Variants in RELN observed in about 807,000 individuals in gnomAD.
RELN encodes reelin.
Under a neutral mutation model 427.6 loss-of-function variants are expected in RELN, and 108 were observed. The ratio of observed to expected loss-of-function variants is 0.25; its 90% CI spans 0.22 to 0.30. RELN has a LOEUF of 0.30. Among genes scored for constraint, RELN ranks in the 10% least tolerant of loss-of-function variants. The pLI, the probability that RELN is intolerant of heterozygous loss-of-function variation, is 1.00. For missense variants in RELN, 3,715 were observed against 4,302.8 expected, an observed-to-expected ratio of 0.86 and a Z score of 3.82; for synonymous variants, 1,524 against 1,513.4, an observed-to-expected ratio of 1.01 and a Z score of -0.16.
At chr7:103,904,975 C>CTT (rs67024941) in intron 2 of RELN, among the ~76,000 whole-genome samples, 186 of 77,342 alleles carry the variant, frequency 2.4e-3, no homozygotes, top group Non-Finnish European at 3.3e-3. Context: ...AAGTTCTTTC[C>CTT]TTTTTTTTTT....
chr7:103,754,659 C>T (rs1162715636), intron 4 of RELN, among the ~76,000 whole-genome samples: 1 of 152,102 alleles, frequency 6.6e-6, no homozygotes, highest in Non-Finnish European at 1.5e-5. Flanking sequence ...GCCTGTAGTC[C>T]TAGCTACTCA....
At chr7:103,544,936 T>A (rs1332212154) in intron 42 of RELN, among the ~76,000 whole-genome samples, 188 bp downstream of exon 42, 1 of 152,236 alleles carries the variant, frequency 6.6e-6, no homozygotes, top group Non-Finnish European at 1.5e-5. Flanking sequence ...TATCAGTATT[T>A]CACTCACTGA....
At chr7:103,507,445 C>A (rs548743615) in intron 51 of RELN, among the ~76,000 whole-genome samples, 3 of 152,126 alleles carry the variant, frequency 2.0e-5, no homozygotes, top group East Asian at 3.9e-4. Flanking sequence ...GGGTACATAA[C>A]GAAATGAAGG....
At chr7:103,948,128 T>C (rs2116755217) in intron 1 of RELN, among the ~76,000 whole-genome samples, 1 of 152,350 alleles carries the variant, frequency 6.6e-6, no homozygotes, top group Middle Eastern at 3.4e-3. Context: ...ACTGTTAGTG[T>C]CTATAACCAT....
At position 103,926,803 on chromosome 7, in the gene RELN, T is replaced by A. The variant is rs1481424031; in HGVS notation, c.227-9618A>T. On this transcript the variant is annotated intron_variant, in intron 1 of 64. Coordinates refer to ENST00000428762, the MANE Select transcript of RELN (RefSeq NM_005045.4). ...CGGATTACAGGCATGAGCCACCACA[T>A]CCAGCTAATTTTTTTTGTATTTTTA... 6.6e-5 allele frequency among the ~76,000 whole-genome samples: 10 copies of A among 151,934 alleles called. No individual in the cohort carries two copies. The East Asian group carries it at 1.2e-3, about 18-fold the overall frequency.
At chr7:103,753,842 T>A (rs678473) in intron 4 of RELN, among the ~76,000 whole-genome samples, 77,598 of 152,056 alleles carry the variant, frequency 0.51, 20,188 homozygotes, top group Non-Finnish European at 0.57. Flanking sequence ...CTTTTCAATG[T>A]ATGCAATATT....
intron 2 of RELN, among the ~76,000 whole-genome samples, chr7:103,888,023 G>A (rs1194209608): frequency 1.3e-5 from 2 of 152,146 alleles, no homozygotes; most frequent in Non-Finnish European, 2.9e-5. Flanking sequence ...TGAAGAAACA[G>A]TAACTAGACT....
intron 64 of RELN, chr7:103,476,773 TTA>T (rs1207555714): frequency 5.5e-6 from 2 of 361,762 alleles, no homozygotes; most frequent in Non-Finnish European, 1.1e-5. Context: ...AACATTTATC[TTA>T]TATTTACTCA....
rs1416961015 is a variant in RELN at position 103,773,424 on chromosome 7, TCC to T, written c.544+3131_544+3132del. 1.5e-4 allele frequency among the ~76,000 whole-genome samples: 12 copies of T among 77,470 alleles called. 1 individual carries two copies. In the East Asian group the frequency reaches 4.1e-3, roughly 27 times the overall value. The allele number at this position is 77,470 out of a possible 152,430, so 50.8% of individuals were successfully genotyped here. On this transcript the variant is annotated intron_variant, in intron 4 of 64. Transcript: ENST00000428762. ...CTGTCTCTCTCTCTCTCTCCCTCGC[TCC>T]CTCTCTCTCTCTCTCTCTCCCTCGC...
intron 2 of RELN, among the ~76,000 whole-genome samples, chr7:103,905,962 G>C (rs1795195856): frequency 6.6e-6 from 1 of 152,132 alleles, no homozygotes; most frequent in Non-Finnish European, 1.5e-5. Context: ...ATTTGCCCCA[G>C]AGACCGAGCC....
chr7:103,755,786 C>A (rs13311057), intron 4 of RELN, among the ~76,000 whole-genome samples: 8 of 122,842 alleles, frequency 6.5e-5, no homozygotes, highest in Admixed American at 2.8e-4. Context: ...GCACTCCAGT[C>A]TGGGGGACAG....
At chr7:103,710,759 T>C (rs908709869) in intron 8 of RELN, among the ~76,000 whole-genome samples, 6 of 152,204 alleles carry the variant, frequency 3.9e-5, no homozygotes, top group Admixed American at 1.3e-4. Context: ...TGAGAGTACA[T>C]GGCCAGCCGG....
At chr7:103,508,118 G>A (rs1003661622) in intron 51 of RELN, among the ~76,000 whole-genome samples, 1 of 152,080 alleles carries the variant, frequency 6.6e-6, no homozygotes, top group Non-Finnish European at 1.5e-5. Context: ...AACAGGAGCT[G>A]GTACCATTCC....
intron 2 of RELN, among the ~76,000 whole-genome samples, chr7:103,863,731 C>T (rs892656403): frequency 2.0e-5 from 3 of 152,116 alleles, no homozygotes; most frequent in East Asian, 3.9e-4. Flanking sequence ...CATTATTAGC[C>T]CCATTCTACA....
At position 103,651,649 on chromosome 7, in the gene RELN, G is replaced by A. The variant is rs1832916093; in HGVS notation, c.1892+12C>T. ...TTCAAGTATTTCAATATCTCAGAGAGAATGTACTCACCCACTGTAGTTTTC... is the reference window on the plus strand; with the variant it reads ...TTCAAGTATTTCAATATCTCAGAGAAAATGTACTCACCCACTGTAGTTTTC... On this transcript the variant is annotated intron_variant, in intron 15 of 64. Coordinates refer to ENST00000428762, the MANE Select transcript of RELN (RefSeq NM_005045.4). The A allele has an allele frequency of 5.6e-6, 9 of 1,609,550 alleles. No homozygotes were observed. Among genetic ancestry groups the A allele is most frequent in the Non-Finnish European group, 6.8e-6 (8 of 1,176,592 alleles).
At chr7:103,682,005 T>G (rs1422830105) in intron 11 of RELN, 111 bp downstream of exon 11, 9 of 1,028,864 alleles carry the variant, frequency 8.7e-6, no homozygotes, top group Non-Finnish European at 1.4e-5. Flanking sequence ...ATAAGAATCA[T>G]CAGTATTGAT....
At chr7:103,704,735 C>T (rs1834165057) in intron 8 of RELN, among the ~76,000 whole-genome samples, 1 of 152,060 alleles carries the variant, frequency 6.6e-6, no homozygotes, top group Non-Finnish European at 1.5e-5. Flanking sequence ...CCTTCCCTTC[C>T]TATTTTTGCT....
At chr7:103,634,163 C>A (rs1342152226) in intron 19 of RELN, among the ~76,000 whole-genome samples, 1 of 152,150 alleles carries the variant, frequency 6.6e-6, no homozygotes, top group African/African-American at 2.4e-5. Context: ...TCCCCTCTCT[C>A]CTACTTTCCT....
intron 10 of RELN, among the ~76,000 whole-genome samples, chr7:103,688,600 T>G (rs1833809845): frequency 6.6e-6 from 1 of 152,138 alleles, no homozygotes; most frequent in East Asian, 1.9e-4. Flanking sequence ...GTGTTAAGGC[T>G]AAATTTTTCG....
Sources: allele counts gnomAD v4.1 joint callset (sites outside exome capture counted in the v4.1 genomes callset), GRCh38; gene constraint gnomAD v4.1.1; transcripts MANE v1.5; gene names NCBI Gene and HGNC (gene_info 2026-07-23, HGNC 2026-07-21).